The following CD86 variants were observed in gnomAD, a reference collection of about 807,000 sequenced individuals.
CD86 encodes CD86 molecule.
Under a neutral mutation model 32.1 loss-of-function variants are expected in CD86, and 11 were observed. That is an observed-to-expected ratio of 0.34 (90% CI 0.22 to 0.57). The LOEUF (loss-of-function observed/expected upper bound fraction) is 0.57, where lower values mean the gene tolerates loss of function less well. Ranked by LOEUF, CD86 falls within the 20% of genes least tolerant of loss-of-function variation. The pLI is 0.86. For missense variants in CD86, 359 were observed against 398.4 expected, an observed-to-expected ratio of 0.90 and a Z score of 0.84; for synonymous variants, 137 against 135.3, an observed-to-expected ratio of 1.01 and a Z score of -0.09.
chr3:122,106,627 G>A lies in CD86; in HGVS notation c.703+127G>A, dbSNP rs954377304. 39 of 779,878 alleles carry A rather than the reference G, an allele frequency of 5.0e-5. No individual in the cohort carries two copies. In the African/African-American group the frequency reaches 6.4e-4, roughly 13 times the overall value. The allele number at this position is 779,878 out of a possible 1,614,324, so 48.3% of individuals were successfully genotyped here. On this transcript the variant is annotated intron_variant, in intron 4 of 6. Transcript: ENST00000330540. ...GGCCATTTTATGACGCTGTTAGGAA[G>A]GACCCAGATGGAGGTCTCCTGCTTC...
chr3:122,058,688 A>G (rs1027545713), intron 1 of CD86, among the ~76,000 whole-genome samples: 1 of 152,196 alleles, frequency 6.6e-6, no homozygotes, highest in Non-Finnish European at 1.5e-5. Flanking sequence ...GCATCCAGCT[A>G]TGATCATCCT....
intron 2 of CD86, among the ~76,000 whole-genome samples, chr3:122,102,406 CTTTTTTTTTTTTTT>C (rs1011413952): frequency 1.8e-5 from 1 of 56,158 alleles, no homozygotes; most frequent in Non-Finnish European, 3.3e-5. Context: ...CCACTGCTTA[CTTTTTTTTTTTTTT>C]TTTTTTTTTT....
At chr3:122,070,984 A>C (rs1236813032) in intron 1 of CD86, among the ~76,000 whole-genome samples, 1 of 152,160 alleles carries the variant, frequency 6.6e-6, no homozygotes, top group East Asian at 1.9e-4. Flanking sequence ...TATTTTTAGA[A>C]CAGTTTTAGA....
chr3:122,083,804 CA>C (rs1241597642), intron 1 of CD86, among the ~76,000 whole-genome samples: 1 of 152,038 alleles, frequency 6.6e-6, no homozygotes. Context: ...TTGGTGCCAC[CA>C]AAAAATTTAA....
chr3:122,071,879 C>A (rs550493887), intron 1 of CD86, among the ~76,000 whole-genome samples: 2 of 105,246 alleles, frequency 1.9e-5, no homozygotes, highest in South Asian at 4.4e-4. Context: ...TCCCTCCCCC[C>A]TCCCCCCACC....
intron 1 of CD86, among the ~76,000 whole-genome samples, chr3:122,086,246 T>C (rs1488937747): frequency 6.6e-6 from 1 of 152,170 alleles, no homozygotes; most frequent in Non-Finnish European, 1.5e-5. Context: ...AGCAAACTTC[T>C]CAGCATTTTT....
At chr3:122,101,217 G>C (rs1233668292) in intron 2 of CD86, among the ~76,000 whole-genome samples, 1 of 151,978 alleles carries the variant, frequency 6.6e-6, no homozygotes, top group Non-Finnish European at 1.5e-5. Context: ...CTCTACAACA[G>C]CTGCTCAAAC....
intron 1 of CD86, among the ~76,000 whole-genome samples, chr3:122,083,523 G>C (rs1407864107): frequency 6.6e-6 from 1 of 152,110 alleles, no homozygotes; most frequent in Non-Finnish European, 1.5e-5. Flanking sequence ...TTGCCTCTTG[G>C]TATGTTACAA....
At position 122,091,665 on chromosome 3, in the gene CD86, G is replaced by C; in HGVS notation, c.64+15G>C. The stretch of plus-strand genomic sequence containing the variant: ...CCTGCTCTCTGGTAAGAACCTTTCA[G>C]CTTTGTTAAGTCCTGGAATCCTACT... On this transcript the variant is annotated intron_variant, in intron 2 of 6. Coordinates refer to ENST00000330540, the MANE Select transcript of CD86 (RefSeq NM_175862.5). The C allele has an allele frequency of 6.2e-7, 1 of 1,607,406 alleles. No individual in the cohort carries two copies. The highest frequency in any genetic ancestry group is 8.5e-7 in the Non-Finnish European group (1 of 1,174,000).
At chr3:122,101,513 A>AAATATAT (rs1202377219) in intron 2 of CD86, among the ~76,000 whole-genome samples, 12 of 46,342 alleles carry the variant, frequency 2.6e-4, no homozygotes, top group South Asian at 7.5e-4. Flanking sequence ...AAAAAAAAAA[A>AAATATAT]ATATATATAT....
intron 1 of CD86, among the ~76,000 whole-genome samples, chr3:122,071,850 G>A (rs2072493299): frequency 6.7e-6 from 1 of 150,278 alleles, no homozygotes; most frequent in East Asian, 2.0e-4. Flanking sequence ...AGCATTAGGA[G>A]GTAAATCTCC....
intron 1 of CD86, among the ~76,000 whole-genome samples, chr3:122,064,383 C>G (rs2072384050): frequency 1.3e-5 from 2 of 152,122 alleles, no homozygotes; most frequent in African/African-American, 4.8e-5. Context: ...TTACATTGCT[C>G]TGCTGAGCAG....
chr3:122,104,882 C>T (rs1027489753), intron 3 of CD86, among the ~76,000 whole-genome samples: 16 of 151,690 alleles, frequency 1.1e-4, no homozygotes, highest in African/African-American at 1.9e-4. Context: ...CTGCTGTAAA[C>T]GTTCATGTAC....
rs561365171 is a variant in CD86, at chr3:122,061,329, CT to C, written c.14+5833del. Among the ~76,000 whole-genome samples the C allele has an allele frequency of 1.8e-4, 28 of 152,098 alleles. No individual in the cohort carries two copies. The East Asian group carries it at 4.6e-3, about 25-fold the overall frequency. The stretch of plus-strand genomic sequence containing the variant: ...ATGAATACAAATGAAATTGCTGATA[CT>C]TTTTTTCAAGTCTATTTAGAAATAG... On this transcript the variant is annotated intron_variant, in intron 1 of 6. Transcript: ENST00000330540.
At chr3:122,101,656 G>C (rs886533239) in intron 2 of CD86, among the ~76,000 whole-genome samples, 3 of 151,778 alleles carry the variant, frequency 2.0e-5, no homozygotes, top group Non-Finnish European at 4.4e-5. Context: ...ATTTTTAACT[G>C]TGTGTTTGGT....
chr3:122,079,586 T>C (rs1015015574), intron 1 of CD86, among the ~76,000 whole-genome samples: 4 of 147,962 alleles, frequency 2.7e-5, no homozygotes, highest in Non-Finnish European at 5.9e-5. Flanking sequence ...CAGGTAAGAG[T>C]ATTTGTGGGG....
chr3:122,102,404 T>C (rs2073023781), intron 2 of CD86, among the ~76,000 whole-genome samples: 1 of 137,916 alleles, frequency 7.3e-6, no homozygotes. Context: ...CACCACTGCT[T>C]ACTTTTTTTT....
At chr3:122,059,864 C>T (rs1277451612) in intron 1 of CD86, among the ~76,000 whole-genome samples, 2 of 152,018 alleles carry the variant, frequency 1.3e-5, no homozygotes, top group South Asian at 2.1e-4. Context: ...AAACACACAG[C>T]GGAAAAGCGG....
intron 2 of CD86, among the ~76,000 whole-genome samples, chr3:122,099,074 G>A (rs541233196): frequency 2.0e-5 from 3 of 152,286 alleles, no homozygotes; most frequent in Admixed American, 2.0e-4. Flanking sequence ...TTGAATCCGT[G>A]GGGCTAGAGG....
Sources: gnomAD v4.1 joint callset for allele counts (sites outside exome capture counted in the v4.1 genomes callset) on GRCh38, gnomAD v4.1.1 for gene constraint, MANE v1.5 for transcripts, NCBI Gene and HGNC (gene_info 2026-07-23, HGNC 2026-07-21) for gene names.